The following LMX1B variants were observed in gnomAD, a reference collection of about 807,000 sequenced individuals.
LMX1B encodes LIM homeobox transcription factor 1-beta.
LMX1B carries 12 observed loss-of-function variants against 51.4 expected under a neutral mutation model. The ratio of observed to expected loss-of-function variants is 0.23; its 90% confidence interval spans 0.15 to 0.38. The LOEUF (loss-of-function observed/expected upper bound fraction) is 0.38, where lower values mean the gene tolerates loss of function less well. Ranked by LOEUF, LMX1B falls within the 10% of genes least tolerant of loss-of-function variation. The pLI is 1.00. For synonymous variants in LMX1B, 237 were observed against 235.4 expected (o/e 1.01, Z -0.06); for missense variants, 445 against 571.1 (o/e 0.78, Z 2.25).
intron 2 of LMX1B, among the ~76,000 whole-genome samples, chr9:126,628,639 T>C (rs1228988190): frequency 6.6e-6 from 1 of 152,220 alleles, no homozygotes; most frequent in Non-Finnish European, 1.5e-5. Context: ...CCTTGACTGA[T>C]AGTTGTTCTG....
intron 2 of LMX1B, among the ~76,000 whole-genome samples, chr9:126,623,587 A>AG (rs1347895855): frequency 1.3e-5 from 2 of 152,158 alleles, no homozygotes; most frequent in Non-Finnish European, 2.9e-5. Context: ...TTTCCCCCCC[A>AG]GGCGGGTCCA....
In LMX1B at chr9:126,625,232, C is replaced by T. The variant is rs1403483079; in HGVS notation, c.326+9663C>T. 6.6e-6 allele frequency among the ~76,000 whole-genome samples: 1 copy of T among 152,238 alleles called. No individual in the cohort carries two copies. The highest frequency in any genetic ancestry group is 2.4e-5 in the African/African-American group (1 of 41,470). On this transcript the variant is annotated intron_variant, in intron 2 of 7. Coordinates refer to ENST00000373474, the MANE Select transcript of LMX1B (RefSeq NM_001174147.2). The surrounding 1 kb of genome is among the most constrained non-coding windows in gnomAD (Gnocchi z 5.3). ...CCCCCTGACGCTTTTCGTTTCCGAGCGCGCTTGGGCCTCAGGAGCCGGAGC... is the reference window on the plus strand; with the variant it reads ...CCCCCTGACGCTTTTCGTTTCCGAGTGCGCTTGGGCCTCAGGAGCCGGAGC...
chr9:126,642,781 A>G (rs1287182325), intron 2 of LMX1B, among the ~76,000 whole-genome samples: 1 of 152,172 alleles, frequency 6.6e-6, no homozygotes, highest in Non-Finnish European at 1.5e-5. Context: ...GAGACAGACT[A>G]CCTTTCTGCT....
At chr9:126,650,394 C>T (rs1261785822) in intron 2 of LMX1B, among the ~76,000 whole-genome samples, 4 of 152,240 alleles carry the variant, frequency 2.6e-5, no homozygotes, top group South Asian at 4.1e-4. Flanking sequence ...GAGAGGCAGG[C>T]GGGAGCTCCG....
rs1835281352 is a variant in LMX1B, at chr9:126,615,322, C to G, written c.140-61C>G. 1 of 1,353,122 alleles carries G rather than the reference C, an allele frequency of 7.4e-7. No individual in the cohort carries two copies. The highest frequency in any genetic ancestry group is 3.2e-5 in the Admixed American group (1 of 31,214). The allele number at this position is 1,353,122 out of a possible 1,614,324, so 83.8% of individuals were successfully genotyped here. A position where few individuals can be genotyped will look rare whatever the true frequency, so the allele number is the denominator to read the frequency against. Reference sequence around the variant, plus strand: ...CCGAGGGCTGTGGGCCCGGTGCGACCGGGACGCCGGGGCTGGGCCGGGCGG... The same window carrying G: ...CCGAGGGCTGTGGGCCCGGTGCGACGGGGACGCCGGGGCTGGGCCGGGCGG... On this transcript the variant is annotated intron_variant, in intron 1 of 7. Transcript: ENST00000373474. This position sits in a 1 kb window ranked among gnomAD's most constrained non-coding sequence, Gnocchi z 6.0.
chr9:126,681,442 C>T (rs889561239), intron 2 of LMX1B, among the ~76,000 whole-genome samples: 1 of 146,544 alleles, frequency 6.8e-6, no homozygotes, highest in Non-Finnish European at 1.5e-5. Context: ...TCCCTGATGC[C>T]GTCCTTTCTC....
intron 2 of LMX1B, among the ~76,000 whole-genome samples, chr9:126,687,639 C>G (rs2118980291): frequency 6.6e-6 from 1 of 152,328 alleles, no homozygotes; most frequent in African/African-American, 2.4e-5. Context: ...ACACCTGCTG[C>G]TTTACACTGA....
Position 126,625,416 on chromosome 9 carries a change from C to T in LMX1B, c.326+9847C>T, listed in dbSNP as rs1308104520. Among the ~76,000 whole-genome samples, 4 of 152,198 alleles carry T rather than the reference C, an allele frequency of 2.6e-5. No homozygotes were observed. Among genetic ancestry groups the T allele is most frequent in the Non-Finnish European group, 5.9e-5 (4 of 68,046 alleles). On this transcript the variant is annotated intron_variant, in intron 2 of 7. Transcript: ENST00000373474. The surrounding 1 kb of genome is among the most constrained non-coding windows in gnomAD (Gnocchi z 5.3). ...CCGAGAGCACGGGTCCTGCTCTGTC[C>T]CCTCTTCCCAGGAAAGGTGGCACTC...
chr9:126,652,629 GCA>G (rs1247867169), intron 2 of LMX1B, among the ~76,000 whole-genome samples: 1 of 152,216 alleles, frequency 6.6e-6, no homozygotes, highest in Non-Finnish European at 1.5e-5. Context: ...GTGTGGATGG[GCA>G]CAGAGTACAT....
intron 2 of LMX1B, among the ~76,000 whole-genome samples, chr9:126,623,725 C>T (rs1336128343): frequency 5.3e-5 from 8 of 150,768 alleles, no homozygotes; most frequent in Admixed American, 5.3e-4. Flanking sequence ...GAGTCGCTAC[C>T]CGAGGGCTGG....
intron 2 of LMX1B, among the ~76,000 whole-genome samples, chr9:126,687,721 G>C (rs1293677226): frequency 1.3e-5 from 2 of 152,206 alleles, no homozygotes; most frequent in African/African-American, 4.8e-5. Context: ...GTGAGCTGAG[G>C]CTCGAGAAGA....
intron 2 of LMX1B, among the ~76,000 whole-genome samples, chr9:126,643,936 G>C (rs1039176427): frequency 4.6e-5 from 7 of 152,328 alleles, no homozygotes; most frequent in Middle Eastern, 3.4e-3. Flanking sequence ...AGGAAACTGA[G>C]GCTCGGGGTC....
chr9:126,637,167 G>A (rs1054934958), intron 2 of LMX1B, among the ~76,000 whole-genome samples: 2 of 152,242 alleles, frequency 1.3e-5, no homozygotes, highest in African/African-American at 4.8e-5. Context: ...ACAGGCAGTG[G>A]TGGGCGGTGG....
intron 2 of LMX1B, among the ~76,000 whole-genome samples, chr9:126,616,427 G>C (rs906814668): frequency 1.3e-5 from 2 of 152,206 alleles, no homozygotes; most frequent in African/African-American, 4.8e-5. Flanking sequence ...CAGACAACAG[G>C]ACATGCAGGC....
At chr9:126,656,000 G>A (rs570884253) in intron 2 of LMX1B, among the ~76,000 whole-genome samples, 2 of 152,262 alleles carry the variant, frequency 1.3e-5, no homozygotes, top group African/African-American at 4.8e-5. Context: ...TAGAGTGTAC[G>A]GGGGAAGTAT....
At chr9:126,689,586 C>T (rs1588304529) in intron 2 of LMX1B, among the ~76,000 whole-genome samples, 3 of 152,306 alleles carry the variant, frequency 2.0e-5, no homozygotes, top group East Asian at 1.9e-4. Context: ...GAGCAGGACA[C>T]GTGACAGGGT....
At chr9:126,629,902 T>G (rs1281518089) in intron 2 of LMX1B, among the ~76,000 whole-genome samples, 1 of 151,570 alleles carries the variant, frequency 6.6e-6, no homozygotes, top group African/African-American at 2.4e-5. Context: ...TCCCAGCACT[T>G]TGGGAGACCA....
chr9:126,700,730 G>T lies in LMX1B; in HGVS notation c.*4279G>T, dbSNP rs2030515216. On this transcript the variant is annotated 3_prime_UTR_variant, in exon 8 of 8. Coordinates refer to ENST00000373474, the MANE Select transcript of LMX1B (RefSeq NM_001174147.2). ...ACCATTGCCAATGAGCCTCTTTGCTGGTTCCCCCGACCCCACCTGGGGGTC... is the reference window on the plus strand; with the variant it reads ...ACCATTGCCAATGAGCCTCTTTGCTTGTTCCCCCGACCCCACCTGGGGGTC... 6.6e-6 allele frequency: 1 copy of T among 152,262 alleles called. No individual in the cohort carries two copies. Among genetic ancestry groups the T allele is most frequent in the African/African-American group, 2.4e-5 (1 of 41,460 alleles). The allele number at this position is 152,262 out of a possible 1,614,324, so 9.4% of individuals were successfully genotyped here.
chr9:126,678,352 G>A (rs1411242086), intron 2 of LMX1B, among the ~76,000 whole-genome samples: 1 of 151,314 alleles, frequency 6.6e-6, no homozygotes, highest in Admixed American at 6.6e-5. Flanking sequence ...CAAAAAGACT[G>A]CGGAGAAGCT....
Sources: allele counts gnomAD v4.1 joint callset (sites outside exome capture counted in the v4.1 genomes callset), GRCh38; gene constraint gnomAD v4.1.1; non-coding constraint Gnocchi (gnomAD v3.1); transcripts MANE v1.5; gene names NCBI Gene and HGNC (gene_info 2026-07-23, HGNC 2026-07-21).